Variants in SLC34A2 observed in about 807,000 individuals in gnomAD.
SLC34A2 encodes the protein sodium-dependent phosphate transport protein 2B.
Under a neutral mutation model 50.8 loss-of-function variants are expected in SLC34A2, and 41 were observed. The ratio of observed to expected loss-of-function variants is 0.81; its 90% CI spans 0.63 to 1.05. The LOEUF (loss-of-function observed/expected upper bound fraction) is 1.05, where lower values mean the gene tolerates loss of function less well. Ranked by LOEUF, SLC34A2 falls within the 50% of genes least tolerant of loss-of-function variation. The pLI is 0.00. For missense variants in SLC34A2, 879 were observed against 876.7 expected (o/e 1.00, Z -0.03); for synonymous variants, 401 against 364.2 (o/e 1.10, Z -1.15).
chr4:25,671,613 G>T lies in SLC34A2; in HGVS notation c.940G>T (p.Val314Phe), dbSNP rs371683311. ...KTFTNKTQIN[V>F]TVPSTANCTS... ...GTTTGTCATCCAGACCCAGATTAAC[G>T]TCACTGTTCCCTCGACTGCTAACTG... Residue 314 changes from valine (V) to phenylalanine (F), a missense_variant, in exon 9 of 13, where the codon GTC becomes TTC. By Grantham distance (50) the Val-to-Phe change is conservative. Coordinates refer to ENST00000382051, the MANE Select transcript of SLC34A2 (RefSeq NM_006424.3). The T allele has an allele frequency of 1.2e-6, 2 of 1,613,914 alleles. No individual in the cohort carries two copies. Among genetic ancestry groups the T allele is most frequent in the African/African-American group, 2.7e-5 (2 of 74,880 alleles).
rs754178434 is a variant in SLC34A2, at chr4:25,676,612, G to A, written c.1936G>A (p.Glu646Lys). 6.8e-6 allele frequency: 11 copies of A among 1,613,870 alleles called. No individual in the cohort carries two copies. Among genetic ancestry groups the A allele is most frequent in the South Asian group, 1.1e-5 (1 of 91,084 alleles). The change falls in exon 13 of 13, where the codon GAG becomes AAG. Residue 646 changes from glutamate to lysine, a missense_variant. Glu to Lys is a moderately conservative substitution (Grantham distance 56). Transcript: ENST00000382051. ...PKCCRCSKCCEDLEEAQEGQD... is the reference protein window; with the variant it reads ...PKCCRCSKCCKDLEEAQEGQD... Reference sequence around the variant, plus strand: ...GTGCTGCCGCTGCAGCAAGTGCTGCGAGGACTTGGAGGAGGCGCAGGAGGG... The same window carrying A: ...GTGCTGCCGCTGCAGCAAGTGCTGCAAGGACTTGGAGGAGGCGCAGGAGGG...
chr4:25,657,132 T>C (rs1211472836), intron 1 of SLC34A2, among the ~76,000 whole-genome samples: 1 of 152,100 alleles, frequency 6.6e-6, no homozygotes, highest in Non-Finnish European at 1.5e-5. Context: ...AATTGCCCCA[T>C]CCAAAACTCC....
In SLC34A2 at chr4:25,669,701, G is replaced by A. The variant is rs200255931; in HGVS notation, c.690G>A (p.Val230=). The A allele has an allele frequency of 2.7e-4, 431 of 1,614,146 alleles. 3 individuals carry two copies. The highest frequency in any genetic ancestry group is 2.0e-5 in the Non-Finnish European group (24 of 1,180,042). ...TCTTCAACTGGCTGTCCGTGTTGGTGCTCTTGCCCGTGGAGGTGGCCACCC... is the reference window on the plus strand; with the variant it reads ...TCTTCAACTGGCTGTCCGTGTTGGTACTCTTGCCCGTGGAGGTGGCCACCC... ...HDFFNWLSVL[V]LLPVEVATHY... The change falls in exon 7 of 13, where the codon GTG becomes GTA. Residue 230 remains valine, a synonymous_variant. Transcript: ENST00000382051.
At chr4:25,660,304 A>G (rs1445749089) in intron 1 of SLC34A2, among the ~76,000 whole-genome samples, 1 of 152,204 alleles carries the variant, frequency 6.6e-6, no homozygotes, top group African/African-American at 2.4e-5. Context: ...GGAAGAGGTG[A>G]TCAGAGTAAG....
In SLC34A2 at chr4:25,676,212, C is replaced by T; in HGVS notation, c.1536C>T (p.Ile512=). ...WYPIPFTRLP[I]RMAKGLGNIS... The stretch of plus-strand genomic sequence containing the variant: ...CGATCCCGTTCACTCGCCTGCCCAT[C>T]CGCATGGCCAAGGGGCTGGGCAACA... Residue 512 remains isoleucine (I), a synonymous_variant, in exon 13 of 13, where the codon ATC becomes ATT. Coordinates refer to ENST00000382051, the MANE Select transcript of SLC34A2 (RefSeq NM_006424.3). The T allele has an allele frequency of 6.2e-7, 1 of 1,614,240 alleles. No individual in the cohort carries two copies. The highest frequency in any genetic ancestry group is 8.5e-7 in the Non-Finnish European group (1 of 1,180,046).
At chr4:25,667,499 G>A (rs915709585) in intron 5 of SLC34A2, among the ~76,000 whole-genome samples, 6 of 152,102 alleles carry the variant, frequency 3.9e-5, no homozygotes, top group East Asian at 1.9e-4. Context: ...GAGACAGAGC[G>A]AGATCCATCT....
At chr4:25,656,924 A>T (rs897076553) in intron 1 of SLC34A2, among the ~76,000 whole-genome samples, 7 of 152,002 alleles carry the variant, frequency 4.6e-5, no homozygotes, top group African/African-American at 1.7e-4. Flanking sequence ...GCAGTTCTTT[A>T]ACTTGTCCTG....
At chr4:25,661,571 A>G (rs1714186705) in intron 1 of SLC34A2, among the ~76,000 whole-genome samples, 1 of 152,072 alleles carries the variant, frequency 6.6e-6, no homozygotes, top group Non-Finnish European at 1.5e-5. Flanking sequence ...TATTTTTAGT[A>G]GAGACAGGGT....
chr4:25,662,467 C>T (rs1577491117), intron 1 of SLC34A2, 31 bp from the exon 2 acceptor site: 1 of 1,587,738 alleles, frequency 6.3e-7, no homozygotes, highest in African/African-American at 1.3e-5. Flanking sequence ...CTTTCCATGA[C>T]TGCTGCTTTA....
chr4:25,677,037 G>A lies in SLC34A2; in HGVS notation c.*288G>A, dbSNP rs4374611. On this transcript the variant is annotated 3_prime_UTR_variant, in exon 13 of 13. Transcript: ENST00000382051. ...TGGCGGGACGGATGTCTAATCCTGC[G>A]CCTAGCTGGGTTGGTCAGTAGAACC... 0.86 allele frequency: 404,236 copies of A among 468,436 alleles called. 175,433 individuals are homozygous for A. Among genetic ancestry groups the A allele is most frequent in the East Asian group, 1 (26,112 of 26,138 alleles). 29.0% of individuals were successfully genotyped at this position (468,436 alleles called of 1,614,324 possible).
intron 10 of SLC34A2, 100 bp downstream of exon 10, chr4:25,673,354 TTCTC>T: frequency 8.7e-7 from 1 of 1,149,038 alleles, no homozygotes; most frequent in African/African-American, 1.5e-5. Context: ...TGCATGGAGT[TTCTC>T]TCTCAGATTG....
intron 11 of SLC34A2, 42 bp from the exon 12 acceptor site, chr4:25,674,463 A>G (rs373509579): frequency 1.2e-6 from 2 of 1,614,114 alleles, no homozygotes; most frequent in Non-Finnish European, 1.7e-6. Context: ...ATTTCCTGTC[A>G]TCCCATGGGG....
chr4:25,673,781 A>C (rs985418934), intron 10 of SLC34A2, among the ~76,000 whole-genome samples: 24 of 152,150 alleles, frequency 1.6e-4, no homozygotes, highest in African/African-American at 5.1e-4. Context: ...TATAGCCAAG[A>C]AAATTCGCCC....
rs1288380575 is a variant in SLC34A2, at chr4:25,678,329, G to A, written c.*1580G>A. The A allele has an allele frequency of 6.5e-6, 1 of 154,634 alleles. No homozygotes were observed. Among genetic ancestry groups the A allele is most frequent in the Non-Finnish European group, 1.4e-5 (1 of 69,916 alleles). The allele number at this position is 154,634 out of a possible 1,614,324, so 9.6% of individuals were successfully genotyped here. ...TTTTTCATAAGTTATATAGTAAATG[G>A]TCTGCATGATTTGTGCTTCTAGTGC... On this transcript the variant is annotated 3_prime_UTR_variant, in exon 13 of 13. Coordinates refer to ENST00000382051, the MANE Select transcript of SLC34A2 (RefSeq NM_006424.3).
At chr4:25,668,183 C>T (rs1370594852) in intron 6 of SLC34A2, among the ~76,000 whole-genome samples, 192 bp downstream of exon 6, 2 of 152,204 alleles carry the variant, frequency 1.3e-5, no homozygotes, top group African/African-American at 2.4e-5. Context: ...GCTCCCTGAT[C>T]GGCAGAGCAG....
Position 25,678,708 on chromosome 4 carries a change from C to CT in SLC34A2, c.*1960dup. On this transcript the variant is annotated 3_prime_UTR_variant, in exon 13 of 13. Transcript: ENST00000382051. ...TGTAATTTTTTTTTTTTTTTTTTTA[C>CT]TGGTTATGGGAAGGGAGAAATAAAA... 3.3e-6 allele frequency: 1 copy of CT among 300,040 alleles called. No homozygotes were observed. The highest frequency in any genetic ancestry group is 6.1e-5 in the East Asian group (1 of 16,450). 18.6% of individuals were successfully genotyped at this position (300,040 alleles called of 1,614,324 possible).
At chr4:25,658,359 G>T (rs1034194777) in intron 1 of SLC34A2, among the ~76,000 whole-genome samples, 10 of 152,138 alleles carry the variant, frequency 6.6e-5, no homozygotes, top group African/African-American at 2.4e-4. Context: ...TCCATGTTCT[G>T]GTTCCTCACA....
Position 25,676,769 on chromosome 4 carries a change from G to A in SLC34A2, c.*20G>A, listed in dbSNP as rs2109063223. 3.1e-6 allele frequency: 5 copies of A among 1,613,904 alleles called. No individual in the cohort carries two copies. Among genetic ancestry groups the A allele is most frequent in the Non-Finnish European group, 4.2e-6 (5 of 1,179,974 alleles). ...TTGTAGGGGACGCCCCAGATTGTCAGGGATGGGGGGATGGTCCTTGAGTTT... is the reference window on the plus strand; with the variant it reads ...TTGTAGGGGACGCCCCAGATTGTCAAGGATGGGGGGATGGTCCTTGAGTTT... On this transcript the variant is annotated 3_prime_UTR_variant, in exon 13 of 13. Coordinates refer to ENST00000382051, the MANE Select transcript of SLC34A2 (RefSeq NM_006424.3).
intron 12 of SLC34A2, among the ~76,000 whole-genome samples, chr4:25,675,892 C>T (rs1715080675): frequency 6.6e-6 from 1 of 152,210 alleles, no homozygotes; most frequent in African/African-American, 2.4e-5. Context: ...GGTTGCCACT[C>T]TGTAGAGTGT....
Sources: allele counts gnomAD v4.1 joint callset (sites outside exome capture counted in the v4.1 genomes callset), GRCh38; gene constraint gnomAD v4.1.1; transcripts MANE v1.5; gene names NCBI Gene and HGNC (gene_info 2026-07-23, HGNC 2026-07-21).